Variants in NFATC1 observed in about 807,000 individuals in gnomAD.
The protein encoded by NFATC1 is nuclear factor of activated T cells 1, also known as nuclear factor of activated T-cells, cytoplasmic 1.
A neutral mutation model predicts 76.0 loss-of-function variants in NFATC1; 22 were observed. The observed-to-expected ratio is 0.29, with a 90% confidence interval of 0.21 to 0.41. The LOEUF (loss-of-function observed/expected upper bound fraction) is 0.41, where lower values mean the gene tolerates loss of function less well. Among genes scored for constraint, NFATC1 ranks in the 10% least tolerant of loss-of-function variants. The pLI is 1.00. For synonymous variants in NFATC1, 704 were observed against 613.1 expected (o/e 1.15, Z -2.19); for missense variants, 1,357 against 1,337.7 (o/e 1.01, Z -0.23).
At chr18:79,486,124 G>GC (rs960249431) in intron 8 of NFATC1, 124 bp from the exon 9 acceptor site, 29 of 806,194 alleles carry the variant, frequency 3.6e-5, no homozygotes, top group South Asian at 2.2e-4. Context: ...GGAGAACCAG[G>GC]CAGGAGACAG....
In NFATC1 at chr18:79,467,654, G is replaced by A. The variant is rs141558726; in HGVS notation, c.2092+72G>A. On this transcript the variant is annotated intron_variant, in intron 8 of 9. Transcript: ENST00000427363. The stretch of plus-strand genomic sequence containing the variant: ...GTGCTTTTTCTAAAGACGCAGAAAC[G>A]ACGTCGCCGTAAAGCAGCGTGGCGT... The A allele has an allele frequency of 9.8e-5, 156 of 1,595,212 alleles. 1 individual carries two copies. The East Asian group carries it at 3.0e-3, about 30-fold the overall frequency.
At chr18:79,427,392 T>TG (rs1568947768) in intron 2 of NFATC1, among the ~76,000 whole-genome samples, 9 of 77,496 alleles carry the variant, frequency 1.2e-4, no homozygotes, top group East Asian at 3.6e-4. Flanking sequence ...GTGCAGTGGG[T>TG]TGGGGGGAGC....
intron 3 of NFATC1, among the ~76,000 whole-genome samples, chr18:79,447,580 GCT>G (rs2144756658): frequency 6.6e-6 from 1 of 152,340 alleles, no homozygotes; most frequent in South Asian, 2.1e-4. Flanking sequence ...GAATCTCAGG[GCT>G]CTGAGGCTGG....
chr18:79,407,993 T>C (rs1455446175), intron 1 of NFATC1, among the ~76,000 whole-genome samples: 1 of 34,974 alleles, frequency 2.9e-5, no homozygotes, highest in African/African-American at 7.9e-5. Context: ...GCTCTGTTTC[T>C]TTTCTCTTTG....
intron 8 of NFATC1, among the ~76,000 whole-genome samples, chr18:79,480,813 G>C (rs551633626): frequency 6.6e-6 from 1 of 152,178 alleles, no homozygotes; most frequent in South Asian, 2.1e-4. Flanking sequence ...TAAAGCGCTC[G>C]GGACACTTCA....
chr18:79,495,750 G>A (rs1214828803), intron 9 of NFATC1, among the ~76,000 whole-genome samples: 1 of 152,270 alleles, frequency 6.6e-6, no homozygotes, highest in Non-Finnish European at 1.5e-5. Context: ...GGCAAGCCGT[G>A]AACAGTGGTA....
At chr18:79,398,837 G>A (rs1016625954) in intron 1 of NFATC1, among the ~76,000 whole-genome samples, 19 of 152,366 alleles carry the variant, frequency 1.2e-4, no homozygotes, top group African/African-American at 4.6e-4. Context: ...GGGAGGCCGA[G>A]GCAAGCGGAT....
intron 9 of NFATC1, among the ~76,000 whole-genome samples, chr18:79,521,908 C>CTG (rs1429143677): frequency 1.9e-4 from 17 of 88,218 alleles, no homozygotes; most frequent in Admixed American, 1.2e-3. Context: ...ATGTGTATGT[C>CTG]TGTGTGTGTG....
chr18:79,526,935 T>C lies in NFATC1; in HGVS notation c.2783-593T>C, dbSNP rs143868833. On this transcript the variant is annotated intron_variant, in intron 9 of 9. Coordinates refer to ENST00000427363, the MANE Select transcript of NFATC1 (RefSeq NM_001278669.2). ...AGATGGGACGTGGCGACAGTGCTGG[T>C]GGCACATCCCCTATCTCAGCGCCCA... 4.3e-3 allele frequency among the ~76,000 whole-genome samples: 656 copies of C among 152,298 alleles called. 5 individuals are homozygous for C. Among genetic ancestry groups the C allele is most frequent in the African/African-American group, 0.015 (634 of 41,578 alleles).
In NFATC1 at chr18:79,521,167, A is replaced by T. The variant is rs1332888888; in HGVS notation, c.2783-6361A>T. Among the ~76,000 whole-genome samples, 25 of 69,922 alleles carry T rather than the reference A, an allele frequency of 3.6e-4. 1 individual carries two copies. The Admixed American group carries it at 5.1e-3, about 14-fold the overall frequency. 45.9% of individuals were successfully genotyped at this position (69,922 alleles called of 152,430 possible). A position where few individuals can be genotyped will look rare whatever the true frequency, so the allele number is the denominator to read the frequency against. On this transcript the variant is annotated intron_variant, in intron 9 of 9. Coordinates refer to ENST00000427363, the MANE Select transcript of NFATC1 (RefSeq NM_001278669.2). ...GTGTGTGTGTAGGGGGGGAGCATCC[A>T]CTGATGTGTGTCCATGTGTGTGTGG...
At chr18:79,451,865 G>A (rs1286924324) in intron 6 of NFATC1, 49 bp downstream of exon 6, 1 of 1,564,672 alleles carries the variant, frequency 6.4e-7, no homozygotes, top group Non-Finnish European at 8.7e-7. Flanking sequence ...CGGCGCTGGT[G>A]GGAACCGGTT....
At position 79,465,059 on chromosome 18, in the gene NFATC1, C is replaced by A. The variant is rs1600818162; in HGVS notation, c.1960-2391C>A. Among the ~76,000 whole-genome samples, 1 of 152,004 alleles carries A rather than the reference C, an allele frequency of 6.6e-6. No homozygotes were observed. Among genetic ancestry groups the A allele is most frequent in the South Asian group, 2.1e-4 (1 of 4,816 alleles). On this transcript the variant is annotated intron_variant, in intron 7 of 9. Transcript: ENST00000427363. This position sits in a 1 kb window ranked among gnomAD's most constrained non-coding sequence, Gnocchi z 4.2. ...GCTGTGTCTACGGTTTTTGTACTTT[C>A]TATAAGTAAGTGTATGAGCTTCATC...
rs533423757 is a variant in NFATC1 at position 79,445,773 on chromosome 18, G to A, written c.1387-3009G>A. On this transcript the variant is annotated intron_variant, in intron 3 of 9. Transcript: ENST00000427363. ...CCTGACTCCAGGTCGCCTTGGCTCC[G>A]TTTCTGTGCAGCAGCTCAGACTATG... is the stretch of plus-strand genomic sequence containing the variant. Among the ~76,000 whole-genome samples the A allele has an allele frequency of 9.2e-5, 14 of 152,334 alleles. 1 individual carries two copies. The highest frequency in any genetic ancestry group is 3.4e-4 in the African/African-American group (14 of 41,588).
Position 79,528,475 on chromosome 18 carries a change from T to C in NFATC1, c.*898T>C, listed in dbSNP as rs2145258541. ...AATAACCGGCATCCGTTTTGGAACCTGCGTCTGGGGCTCCAGTCGCTGCTC... is the reference window on the plus strand; with the variant it reads ...AATAACCGGCATCCGTTTTGGAACCCGCGTCTGGGGCTCCAGTCGCTGCTC... On this transcript the variant is annotated 3_prime_UTR_variant, in exon 10 of 10. Transcript: ENST00000427363. 1 of 152,378 alleles carries C rather than the reference T, an allele frequency of 6.6e-6. No individual in the cohort carries two copies. Among genetic ancestry groups the C allele is most frequent in the Non-Finnish European group, 1.5e-5 (1 of 68,042 alleles). 9.4% of individuals were successfully genotyped at this position (152,378 alleles called of 1,614,324 possible). A position where few individuals can be genotyped will look rare whatever the true frequency, so the allele number is the denominator to read the frequency against.
rs565507347 is a variant in NFATC1 at position 79,465,552 on chromosome 18, G to A, written c.1960-1898G>A. ...ATCCAGCCTGTCCCACAGGGTCCCCGCCTCCACCCCAGCCTGTCCCGTGGG... is the reference window on the plus strand; with the variant it reads ...ATCCAGCCTGTCCCACAGGGTCCCCACCTCCACCCCAGCCTGTCCCGTGGG... On this transcript the variant is annotated intron_variant, in intron 7 of 9. Coordinates refer to ENST00000427363, the MANE Select transcript of NFATC1 (RefSeq NM_001278669.2). The surrounding 1 kb of genome is among the most constrained non-coding windows in gnomAD (Gnocchi z 4.2). 1.9e-4 allele frequency among the ~76,000 whole-genome samples: 28 copies of A among 151,334 alleles called. No homozygotes were observed. Among genetic ancestry groups the A allele is most frequent in the African/African-American group, 6.1e-4 (25 of 41,238 alleles).
chr18:79,490,994 G>C (rs1383104217), intron 9 of NFATC1, among the ~76,000 whole-genome samples: 2 of 152,080 alleles, frequency 1.3e-5, no homozygotes, highest in East Asian at 3.9e-4. Context: ...TGGAAATGCG[G>C]GGGTGTACCT....
chr18:79,401,435 A>C lies in NFATC1; in HGVS notation c.127+5084A>C, dbSNP rs547738828. On this transcript the variant is annotated intron_variant, in intron 1 of 9. Transcript: ENST00000427363. ...CTGTGCTGCCTGCGGTTCTCGACTC[A>C]CCACTCCCCAAATGTCTTCCCTGCC... 2.0e-5 allele frequency among the ~76,000 whole-genome samples: 3 copies of C among 151,708 alleles called. No individual in the cohort carries two copies. In the East Asian group the frequency reaches 5.9e-4, roughly 30 times the overall value.
chr18:79,469,173 T>C lies in NFATC1; in HGVS notation c.2092+1591T>C, dbSNP rs192390445. ...ACAATATATCTTACAGAAGAAAATA[T>C]TTTATCTTTTTCTGAAAATATAATG... On this transcript the variant is annotated intron_variant, in intron 8 of 9. Transcript: ENST00000427363. 10 of 302,364 alleles carry C rather than the reference T, an allele frequency of 3.3e-5. 1 individual carries two copies. The East Asian group carries it at 1.6e-3, about 47-fold the overall frequency. 18.7% of individuals were successfully genotyped at this position (302,364 alleles called of 1,614,324 possible). A position where few individuals can be genotyped will look rare whatever the true frequency, so the allele number is the denominator to read the frequency against.
intron 9 of NFATC1, among the ~76,000 whole-genome samples, chr18:79,495,845 T>A (rs564089946): frequency 6.6e-6 from 1 of 151,420 alleles, no homozygotes; most frequent in South Asian, 2.1e-4. Context: ...ACAGGCAAGC[T>A]GTGAACCGTA....
Sources: gnomAD v4.1 joint callset for allele counts (sites outside exome capture counted in the v4.1 genomes callset) on GRCh38, gnomAD v4.1.1 for gene constraint, Gnocchi (gnomAD v3.1) non-coding constraint, MANE v1.5 for transcripts, NCBI Gene and HGNC (gene_info 2026-07-23, HGNC 2026-07-21) for gene names.